KLHDC9: variants seen among roughly 807,000 people sequenced by gnomAD.
KLHDC9 encodes kelch domain containing 9, also known as kelch domain-containing protein 9.
A neutral mutation model predicts 31.5 loss-of-function variants in KLHDC9; 26 were observed. That is an observed-to-expected ratio of 0.83 (90% CI 0.61 to 1.15). The LOEUF (loss-of-function observed/expected upper bound fraction) is 1.15, where lower values mean the gene tolerates loss of function less well. Ranked by LOEUF, KLHDC9 falls within the 50% of genes most tolerant of loss-of-function variation. KLHDC9 has a pLI of 0.00. For synonymous variants in KLHDC9, 176 were observed against 184.7 expected (o/e 0.95, Z 0.38); for missense variants, 437 against 467.7 (o/e 0.93, Z 0.61).
At position 161,098,486 on chromosome 1, in the gene KLHDC9, G is replaced by T; in HGVS notation, c.-50G>T. 1 of 1,461,900 alleles carries T rather than the reference G, an allele frequency of 6.8e-7. No individual in the cohort carries two copies. Among genetic ancestry groups the T allele is most frequent in the Non-Finnish European group, 9.1e-7 (1 of 1,098,536 alleles). The allele number at this position is 1,461,900 out of a possible 1,614,324, so 90.6% of individuals were successfully genotyped here. A position where few individuals can be genotyped will look rare whatever the true frequency, so the allele number is the denominator to read the frequency against. On this transcript the variant is annotated 5_prime_UTR_variant, in exon 1 of 4. Coordinates refer to ENST00000368011, the MANE Select transcript of KLHDC9 (RefSeq NM_152366.5). This position sits in a 1 kb window ranked among gnomAD's most constrained non-coding sequence, Gnocchi z 6.3. ...GCGAGGTGCCTGGCCTGCCATGTAG[G>T]GGCTCGTTCCAAGCCGCAGACCCCA...
intron 2 of KLHDC9, 23 bp downstream of exon 2, chr1:161,099,528 G>A: frequency 1.2e-6 from 2 of 1,614,158 alleles, no homozygotes; most frequent in Non-Finnish European, 1.7e-6. Context: ...CACACATCTT[G>A]TTTAGGATGG....
chr1:161,099,178 G>A (rs1571176998), intron 1 of KLHDC9, 116 bp downstream of exon 1: 2 of 1,339,638 alleles, frequency 1.5e-6, no homozygotes, highest in African/African-American at 2.9e-5. Context: ...CCTCCTTCCA[G>A]GGGAACCTAC....
chr1:161,099,759 A>G lies in KLHDC9; in HGVS notation c.849A>G (p.Arg283=). 4 of 1,614,014 alleles carry G rather than the reference A, an allele frequency of 2.5e-6. No individual in the cohort carries two copies. The highest frequency in any genetic ancestry group is 3.4e-6 in the Non-Finnish European group (4 of 1,179,992). ...GTGGAGAAACTCTGACCAGAGCTAG[A>G]GACACCATCTGCAATGATCTCTACA... ...LFGGETLTRA[R]DTICNDLYIY... Residue 283 remains arginine, a synonymous_variant, in exon 3 of 4, where the codon AGA becomes AGG. Transcript: ENST00000368011.
At position 161,099,738 on chromosome 1, in the gene KLHDC9, A is replaced by G; in HGVS notation, c.828A>G (p.Gly276=). ...VVGPFAVLFG[G]ETLTRARDTI... The stretch of plus-strand genomic sequence containing the variant: ...GGCCCTTTGCTGTGCTGTTTGGTGG[A>G]GAAACTCTGACCAGAGCTAGAGACA... Residue 276 remains glycine (G), a synonymous_variant, in exon 3 of 4, where the codon GGA becomes GGG. Coordinates refer to ENST00000368011, the MANE Select transcript of KLHDC9 (RefSeq NM_152366.5). The G allele has an allele frequency of 6.2e-7, 1 of 1,614,048 alleles. No individual in the cohort carries two copies. The highest frequency in any genetic ancestry group is 8.5e-7 in the Non-Finnish European group (1 of 1,180,008).
At chr1:161,099,234 A>G in intron 1 of KLHDC9, 112 bp from the exon 2 acceptor site, 1 of 1,369,538 alleles carries the variant, frequency 7.3e-7, no homozygotes, top group East Asian at 2.4e-5. Flanking sequence ...CCTCCCTCTT[A>G]TCCCACCTAC....
chr1:161,098,543 T>C lies in KLHDC9; in HGVS notation c.8T>C (p.Val3Ala), dbSNP rs1347047164. Residue 3 changes from valine to alanine, a missense_variant, in exon 1 of 4, where the codon GTG becomes GCG. Transcript: ENST00000368011. This position sits in a 1 kb window ranked among gnomAD's most constrained non-coding sequence, Gnocchi z 6.3. The stretch of plus-strand genomic sequence containing the variant: ...TCCCTCTCCCCGGGGCCCATGGCGG[T>C]GGCCGTGCCCCCGGGTCGGGCCGCA... Reference protein sequence around the residue: MAVAVPPGRAAGS... With the variant: MAAAVPPGRAAGS... The C allele has an allele frequency of 1.3e-6, 2 of 1,551,058 alleles. No homozygotes were observed. The highest frequency in any genetic ancestry group is 1.2e-5 in the South Asian group (1 of 84,322).
In KLHDC9 at chr1:161,098,653, T is replaced by C; in HGVS notation, c.118T>C (p.Phe40Leu). 1 of 1,612,900 alleles carries C rather than the reference T, an allele frequency of 6.2e-7. No homozygotes were observed. The highest frequency in any genetic ancestry group is 8.5e-7 in the Non-Finnish European group (1 of 1,179,400). Reference protein sequence around the residue: ...FHSCTELRGRFYLVGGLLAGG... With the variant: ...FHSCTELRGRLYLVGGLLAGG... ...TTCATGCACCGAACTGCGGGGACGGTTCTATCTCGTAGGTGGTCTCCTAGC... is the reference window on the plus strand; with the variant it reads ...TTCATGCACCGAACTGCGGGGACGGCTCTATCTCGTAGGTGGTCTCCTAGC... Residue 40 changes from phenylalanine (F) to leucine (L), a missense_variant, in exon 1 of 4, where the codon TTC (phenylalanine) becomes CTC (leucine). Transcript: ENST00000368011. This position sits in a 1 kb window ranked among gnomAD's most constrained non-coding sequence, Gnocchi z 6.3.
chr1:161,100,230 G>T lies in KLHDC9; in HGVS notation c.*6G>T, dbSNP rs747706185. On this transcript the variant is annotated 3_prime_UTR_variant, in exon 4 of 4. Coordinates refer to ENST00000368011, the MANE Select transcript of KLHDC9 (RefSeq NM_152366.5). ...GCATCCTGGACTTTATCTAAATAGT[G>T]CCAAGACACATCACTAAGCCTCGTT... is the stretch of plus-strand genomic sequence containing the variant. 12 of 1,611,718 alleles carry T rather than the reference G, an allele frequency of 7.4e-6. No homozygotes were observed. The South Asian group carries it at 1.2e-4, about 16-fold the overall frequency.
In KLHDC9 at chr1:161,098,992, G is replaced by T. The variant is rs758755556; in HGVS notation, c.457G>T (p.Gly153Cys). ...GCTGCAGGTGGCTGGCCGGGAGGGCGGTATCCACACTCAGCGACGCTATGG... is the reference window on the plus strand; with the variant it reads ...GCTGCAGGTGGCTGGCCGGGAGGGCTGTATCCACACTCAGCGACGCTATGG... ...RELQVAGREG[G>C]IHTQRRYGSI... Residue 153 changes from glycine to cysteine, a missense_variant, in exon 1 of 4, where the codon GGT becomes TGT. Gly to Cys is a radical substitution (Grantham distance 159). Transcript: ENST00000368011. This position sits in a 1 kb window ranked among gnomAD's most constrained non-coding sequence, Gnocchi z 6.3. 15 of 1,594,072 alleles carry T rather than the reference G, an allele frequency of 9.4e-6. No homozygotes were observed. The highest frequency in any genetic ancestry group is 1.1e-5 in the Non-Finnish European group (13 of 1,177,380).
At position 161,100,127 on chromosome 1, in the gene KLHDC9, G is replaced by A. The variant is rs373571786; in HGVS notation, c.953G>A (p.Arg318His). 12 of 1,613,992 alleles carry A rather than the reference G, an allele frequency of 7.4e-6. No homozygotes were observed. In the East Asian group the frequency reaches 1.1e-4, roughly 15 times the overall value. Residue 318 changes from arginine to histidine, a missense_variant, in exon 4 of 4, where the codon CGC (arginine) becomes CAC (histidine). Transcript: ENST00000368011. The stretch of plus-strand genomic sequence containing the variant: ...CGTGGGATGAAACGCATGGGCCATC[G>A]CACCTGCCTTTGGAATGATCAGCTT... The part of the protein sequence containing the change: ...ADRGMKRMGH[R>H]TCLWNDQLYL...
chr1:161,100,087 T>C lies in KLHDC9; in HGVS notation c.913T>C (p.Phe305Leu). ...CACATCTCCTCCTTTGTGGTTCCACTTCCCCTGTGCAGATCGTGGGATGAA... is the reference window on the plus strand; with the variant it reads ...CACATCTCCTCCTTTGTGGTTCCACCTCCCCTGTGCAGATCGTGGGATGAA... The part of the protein sequence containing the change: ...TRTSPPLWFH[F>L]PCADRGMKRM... The change falls in exon 4 of 4, where the codon TTC becomes CTC. Residue 305 changes from phenylalanine (F) to leucine (L), a missense_variant. Physicochemically the swap from Phe to Leu is conservative, Grantham distance 22. Coordinates refer to ENST00000368011, the MANE Select transcript of KLHDC9 (RefSeq NM_152366.5). 6.2e-7 allele frequency: 1 copy of C among 1,614,216 alleles called. No individual in the cohort carries two copies. Among genetic ancestry groups the C allele is most frequent in the Non-Finnish European group, 8.5e-7 (1 of 1,180,020 alleles).
chr1:161,100,089 C>T lies in KLHDC9; in HGVS notation c.915C>T (p.Phe305=), dbSNP rs753910411. Residue 305 remains phenylalanine (F), a synonymous_variant, in exon 4 of 4, where the codon TTC becomes TTT. Transcript: ENST00000368011. The stretch of plus-strand genomic sequence containing the variant: ...CATCTCCTCCTTTGTGGTTCCACTT[C>T]CCCTGTGCAGATCGTGGGATGAAAC... ...TRTSPPLWFH[F]PCADRGMKRM... The T allele has an allele frequency of 8.1e-6, 13 of 1,614,234 alleles. No individual in the cohort carries two copies. In the East Asian group the frequency reaches 1.6e-4, roughly 19 times the overall value.
At position 161,100,286 on chromosome 1, in the gene KLHDC9, G is replaced by T. The variant is rs185773573; in HGVS notation, c.*62G>T. 3 of 1,460,536 alleles carry T rather than the reference G, an allele frequency of 2.1e-6. No homozygotes were observed. The East Asian group carries it at 6.9e-5, about 34-fold the overall frequency. 90.5% of individuals were successfully genotyped at this position (1,460,536 alleles called of 1,614,324 possible). A position where few individuals can be genotyped will look rare whatever the true frequency, so the allele number is the denominator to read the frequency against. On this transcript the variant is annotated 3_prime_UTR_variant, in exon 4 of 4. Coordinates refer to ENST00000368011, the MANE Select transcript of KLHDC9 (RefSeq NM_152366.5). ...TTGCTTTGTTGCAAACCTATAAAGC[G>T]TTATCACCAGAGCTATCTGCTTCAC...
rs191392143 is a variant in KLHDC9 at position 161,100,194 on chromosome 1, T to C, written c.1020T>C (p.Ser340=). The C allele has an allele frequency of 6.9e-5, 112 of 1,614,208 alleles. No homozygotes were observed. The East Asian group carries it at 1.5e-3, about 22-fold the overall frequency. The change falls in exon 4 of 4, where the codon AGT becomes AGC. Residue 340 remains serine, a synonymous_variant. Coordinates refer to ENST00000368011, the MANE Select transcript of KLHDC9 (RefSeq NM_152366.5). ...TTGGTGAGGATGGCAGGACAGCCAG[T>C]CCACAGGTTTGCATCCTGGACTTTA... ...GGFGEDGRTA[S]PQVCILDFI is the part of the protein sequence containing the mutation.
rs376104225 is a variant in KLHDC9, at chr1:161,098,805, T to C, written c.270T>C (p.Arg90=). The change falls in exon 1 of 4, where the codon CGT becomes CGC. Residue 90 remains arginine (R), a synonymous_variant. Coordinates refer to ENST00000368011, the MANE Select transcript of KLHDC9 (RefSeq NM_152366.5). This position sits in a 1 kb window ranked among gnomAD's most constrained non-coding sequence, Gnocchi z 6.3. ...ACGACGCGGCACCCGTGGACGGGCG[T>C]TGGCTCTGCGTGGTGGGCGGCTGGG... ...SHHDAAPVDG[R]WLCVVGGWDG... The C allele has an allele frequency of 7.5e-5, 119 of 1,587,368 alleles. No homozygotes were observed. Among genetic ancestry groups the C allele is most frequent in the Non-Finnish European group, 9.9e-5 (116 of 1,167,044 alleles).
In KLHDC9 at chr1:161,099,418, C is replaced by T; in HGVS notation, c.600C>T (p.Pro200=). The T allele has an allele frequency of 2.5e-6, 4 of 1,614,086 alleles. No individual in the cohort carries two copies. Among genetic ancestry groups the T allele is most frequent in the Non-Finnish European group, 3.4e-6 (4 of 1,179,916 alleles). Residue 200 remains proline, a synonymous_variant, in exon 2 of 4, where the codon CCC becomes CCT. Coordinates refer to ENST00000368011, the MANE Select transcript of KLHDC9 (RefSeq NM_152366.5). ...CGGCCCTGCTCCAAACTCCTGGACC[C>T]CATCCAGGTCATCAGCTATTGCTCT... ...HCAALLQTPG[P]HPGHQLLLFG... is the part of the protein sequence containing the mutation.
chr1:161,098,681 G>C lies in KLHDC9; in HGVS notation c.146G>C (p.Gly49Ala). The C allele has an allele frequency of 6.2e-7, 1 of 1,613,332 alleles. No individual in the cohort carries two copies. Among genetic ancestry groups the C allele is most frequent in the South Asian group, 1.1e-5 (1 of 90,950 alleles). The part of the protein sequence containing the change: ...RFYLVGGLLA[G>A]GAREPSSDTV... ...TATCTCGTAGGTGGTCTCCTAGCAG[G>C]AGGAGCGAGAGAGCCCAGCAGCGAT... Residue 49 changes from glycine to alanine, a missense_variant, in exon 1 of 4, where the codon GGA (glycine) becomes GCA (alanine). Transcript: ENST00000368011. This position sits in a 1 kb window ranked among gnomAD's most constrained non-coding sequence, Gnocchi z 6.3.
Position 161,099,588 on chromosome 1 carries a change from T to C in KLHDC9, c.688-10T>C, listed in dbSNP as rs1448016072. On this transcript the variant is annotated splice_polypyrimidine_tract_variant and intron_variant, in intron 2 of 3. Coordinates refer to ENST00000368011, the MANE Select transcript of KLHDC9 (RefSeq NM_152366.5). ...AGGTCTCTTCGGACAGTCCTTTCTTTCTCCCCAAGGAGGAACCACCTGTTG... is the reference window on the plus strand; with the variant it reads ...AGGTCTCTTCGGACAGTCCTTTCTTCCTCCCCAAGGAGGAACCACCTGTTG... 4 of 1,614,190 alleles carry C rather than the reference T, an allele frequency of 2.5e-6. No individual in the cohort carries two copies. Among genetic ancestry groups the C allele is most frequent in the Non-Finnish European group, 3.4e-6 (4 of 1,180,024 alleles).
At position 161,099,007 on chromosome 1, in the gene KLHDC9, C is replaced by T. The variant is rs768301709; in HGVS notation, c.472C>T (p.Arg158Ter). The change falls in exon 1 of 4, where the codon CGA becomes TGA. Residue 158 changes from arginine to a stop codon, truncating the protein, a stop_gained. Coordinates refer to ENST00000368011, the MANE Select transcript of KLHDC9 (RefSeq NM_152366.5). LOFTEE classifies it high-confidence loss of function. ...AGREGGIHTQ[R>*]RYGSIYTLRL... ...CCGGGAGGGCGGTATCCACACTCAG[C>T]GACGCTATGGAAGCATCTACACATT... 1.3e-6 allele frequency: 2 copies of T among 1,595,584 alleles called. No homozygotes were observed. Among genetic ancestry groups the T allele is most frequent in the Non-Finnish European group, 1.7e-6 (2 of 1,178,182 alleles).
Sources: allele counts gnomAD v4.1 joint callset, GRCh38; gene constraint gnomAD v4.1.1; non-coding constraint Gnocchi (gnomAD v3.1); transcripts MANE v1.5; gene names NCBI Gene and HGNC (gene_info 2026-07-23, HGNC 2026-07-21).